The following MOV10L1 variants were observed in gnomAD, a reference collection of about 807,000 sequenced individuals.
MOV10L1 encodes Mov10 like RNA helicase 1.
Under a neutral mutation model 143.8 loss-of-function variants are expected in MOV10L1, and 110 were observed. That is an observed-to-expected ratio of 0.76 (90% CI 0.66 to 0.90). The LOEUF is 0.90. MOV10L1 is among the 40% of genes least tolerant of loss of function. MOV10L1 has a pLI of 0.00. For missense variants in MOV10L1, 1,406 were observed against 1,526.8 expected (o/e 0.92, Z 1.32); for synonymous variants, 593 against 581.1 (o/e 1.02, Z -0.29).
rs574007835 is a variant in MOV10L1, at chr22:50,152,950, A to C, written c.2893-95A>C. The C allele has an allele frequency of 5.5e-6, 7 of 1,274,574 alleles. No individual in the cohort carries two copies. Among genetic ancestry groups the C allele is most frequent in the Non-Finnish European group, 7.6e-6 (7 of 916,710 alleles). 79.0% of individuals were successfully genotyped at this position (1,274,574 alleles called of 1,614,324 possible). ...GCAGAGTCAGGCTTGGAAGTCAGGC[A>C]GGCCTCACGTTTGCTGTGCAGAGCC... On this transcript the variant is annotated intron_variant, in intron 21 of 26. Coordinates refer to ENST00000262794, the MANE Select transcript of MOV10L1 (RefSeq NM_018995.3). The surrounding 1 kb of genome is among the most constrained non-coding windows in gnomAD (Gnocchi z 4.4).
At chr22:50,121,005 G>A (rs1159976150) in intron 10 of MOV10L1, among the ~76,000 whole-genome samples, 2 of 152,236 alleles carry the variant, frequency 1.3e-5, no homozygotes, top group African/African-American at 2.4e-5. Context: ...AAGGGTCCAG[G>A]GGAGGAGAGC....
Position 50,158,299 on chromosome 22 carries a change from T to G in MOV10L1, c.3216+93T>G. 1 of 1,494,494 alleles carries G rather than the reference T, an allele frequency of 6.7e-7. No individual in the cohort carries two copies. The highest frequency in any genetic ancestry group is 9.1e-7 in the Non-Finnish European group (1 of 1,097,142). The allele number at this position is 1,494,494 out of a possible 1,614,324, so 92.6% of individuals were successfully genotyped here. A position where few individuals can be genotyped will look rare whatever the true frequency, so the allele number is the denominator to read the frequency against. On this transcript the variant is annotated intron_variant, in intron 23 of 26. Transcript: ENST00000262794. The surrounding 1 kb of genome is among the most constrained non-coding windows in gnomAD (Gnocchi z 5.0). ...TCCACAGAGGCAGGAACAAGCTCCTTGTGAGCAGCAGCAGGTTTTTAAAGG... is the reference window on the plus strand; with the variant it reads ...TCCACAGAGGCAGGAACAAGCTCCTGGTGAGCAGCAGCAGGTTTTTAAAGG...
intron 26 of MOV10L1, 27 bp from the exon 27 acceptor site, chr22:50,161,341 G>T: frequency 6.5e-7 from 1 of 1,532,918 alleles, no homozygotes; most frequent in Non-Finnish European, 8.8e-7. Flanking sequence ...CTGGCTCACT[G>T]GCCATCCGCT....
At position 50,160,826 on chromosome 22, in the gene MOV10L1, G is replaced by A. The variant is rs1385777628; in HGVS notation, c.3462+1G>A. On this transcript the variant is annotated splice_donor_variant, in intron 25 of 26. Coordinates refer to ENST00000262794, the MANE Select transcript of MOV10L1 (RefSeq NM_018995.3). LOFTEE classifies it high-confidence loss of function. ...GGGAAACCCCCATGTTCTCGTTCGA[G>A]TGAGTTTTCAGGCACTGGGTGGGCT... The A allele has an allele frequency of 1.2e-6, 2 of 1,613,894 alleles. No individual in the cohort carries two copies. Among genetic ancestry groups the A allele is most frequent in the Admixed American group, 1.7e-5 (1 of 59,982 alleles).
chr22:50,108,972 C>CT, intron 5 of MOV10L1, 128 bp downstream of exon 5: 1 of 812,384 alleles, frequency 1.2e-6, no homozygotes, highest in Non-Finnish European at 1.9e-6. Flanking sequence ...TGGTGAAACT[C>CT]TGTCTCTACT....
intron 19 of MOV10L1, chr22:50,146,847 T>G: frequency 1.9e-6 from 1 of 525,544 alleles, no homozygotes; most frequent in Non-Finnish European, 3.5e-6. Context: ...CATCATGAGA[T>G]TAGTAGAACG....
chr22:50,120,639 T>C, intron 10 of MOV10L1, 23 bp downstream of exon 10: 1 of 1,509,060 alleles, frequency 6.6e-7, no homozygotes, highest in Non-Finnish European at 9.2e-7. Context: ...TCATGGCCTG[T>C]GGGGTGTTGG....
chr22:50,135,803 T>C (rs1391434419), intron 15 of MOV10L1, among the ~76,000 whole-genome samples: 3 of 151,234 alleles, frequency 2.0e-5, no homozygotes, highest in Non-Finnish European at 4.4e-5. Context: ...AATAGTAATA[T>C]AGTGCCTATT....
intron 10 of MOV10L1, among the ~76,000 whole-genome samples, chr22:50,121,661 T>C (rs2062349838): frequency 6.6e-6 from 1 of 152,192 alleles, no homozygotes; most frequent in Non-Finnish European, 1.5e-5. Flanking sequence ...TGTAGGCAAA[T>C]GCCTGAATGG....
chr22:50,101,594 C>A (rs1407791500), intron 3 of MOV10L1, among the ~76,000 whole-genome samples: 1 of 150,298 alleles, frequency 6.7e-6, no homozygotes, highest in Non-Finnish European at 1.5e-5. Context: ...TCACTGTAAC[C>A]TCCACCTCCT....
chr22:50,143,835 T>C (rs1277666647), intron 17 of MOV10L1, among the ~76,000 whole-genome samples: 1 of 147,112 alleles, frequency 6.8e-6, no homozygotes, highest in African/African-American at 2.5e-5. Context: ...GCCAGATGTG[T>C]GCAGATGAAT....
At chr22:50,123,758 G>T (rs2147211306) in intron 10 of MOV10L1, among the ~76,000 whole-genome samples, 1 of 152,328 alleles carries the variant, frequency 6.6e-6, no homozygotes, top group Non-Finnish European at 1.5e-5. Context: ...ATGTTTGGTA[G>T]AATTTAGCTA....
At position 50,144,114 on chromosome 22, in the gene MOV10L1, G is replaced by A. The variant is rs767184868; in HGVS notation, c.2376G>A (p.Pro792=). Residue 792 remains proline (P), a synonymous_variant, in exon 18 of 27, where the codon CCG becomes CCA. Transcript: ENST00000262794. ...TGATGAAGGTACACTTTGCCTTGCC[G>A]GACAGTCGGATTTTAGTCTGTGCGC... ...EAVLQVHFAL[P]DSRILVCAPS... is the part of the protein sequence containing the mutation. 1.6e-5 allele frequency: 25 copies of A among 1,609,968 alleles called. No individual in the cohort carries two copies. Among genetic ancestry groups the A allele is most frequent in the South Asian group, 1.2e-4 (11 of 90,990 alleles).
intron 5 of MOV10L1, among the ~76,000 whole-genome samples, chr22:50,112,581 T>G (rs1381564931): frequency 1.3e-5 from 2 of 152,206 alleles, no homozygotes; most frequent in Admixed American, 1.3e-4. Flanking sequence ...CCCCACAGCA[T>G]TTCCCCACTG....
chr22:50,117,833 T>G (rs875845), intron 9 of MOV10L1, among the ~76,000 whole-genome samples: 1 of 152,186 alleles, frequency 6.6e-6, no homozygotes, highest in Non-Finnish European at 1.5e-5. Context: ...CTGGGACTTG[T>G]GGCTGGGGAA....
chr22:50,115,354 C>A lies in MOV10L1; in HGVS notation c.1259+108C>A, dbSNP rs1247139725. On this transcript the variant is annotated intron_variant, in intron 8 of 26. Coordinates refer to ENST00000262794, the MANE Select transcript of MOV10L1 (RefSeq NM_018995.3). ...TTGTGGCGGGTGGATCACCTGAGACCAGGAGTTCGAAACCAGCCTGGCCAC... is the reference window on the plus strand; with the variant it reads ...TTGTGGCGGGTGGATCACCTGAGACAAGGAGTTCGAAACCAGCCTGGCCAC... The A allele has an allele frequency of 4.7e-6, 6 of 1,289,662 alleles. No individual in the cohort carries two copies. The South Asian group carries it at 1.4e-4, about 30-fold the overall frequency. 79.9% of individuals were successfully genotyped at this position (1,289,662 alleles called of 1,614,324 possible).
At position 50,149,723 on chromosome 22, in the gene MOV10L1, C is replaced by G; in HGVS notation, c.2727+9C>G. 1 of 1,610,564 alleles carries G rather than the reference C, an allele frequency of 6.2e-7. No individual in the cohort carries two copies. The highest frequency in any genetic ancestry group is 8.5e-7 in the Non-Finnish European group (1 of 1,177,620). ...CGGACATCAGTGGCCAGGTAAGTCC[C>G]GACTACTGTGTGTGCTGCTTCCTCC... On this transcript the variant is annotated intron_variant, in intron 20 of 26. Transcript: ENST00000262794.
At chr22:50,100,596 C>G (rs145232140) in intron 3 of MOV10L1, among the ~76,000 whole-genome samples, 3,574 of 152,226 alleles carry the variant, frequency 0.023, 69 homozygotes, top group Non-Finnish European at 0.036. Flanking sequence ...TTACTGCAAC[C>G]TCCGCCTCCT....
rs2062502240 is a variant in MOV10L1 at position 50,126,254 on chromosome 22, C to T, written c.1800C>T (p.Tyr600=). 6.2e-7 allele frequency: 1 copy of T among 1,612,318 alleles called. No homozygotes were observed. Among genetic ancestry groups the T allele is most frequent in the Admixed American group, 1.7e-5 (1 of 60,006 alleles). Residue 600 remains tyrosine, a synonymous_variant, in exon 12 of 27, where the codon TAC becomes TAT. Coordinates refer to ENST00000262794, the MANE Select transcript of MOV10L1 (RefSeq NM_018995.3). ...AGTACAATGGACATGCCATCGAATA[C>T]ATCAGCTACGTGACTGAGGTGAGAG... ...TQEYNGHAIE[Y]ISYVTEIHEE... is the part of the protein sequence containing the mutation.
Sources: gnomAD v4.1 joint callset for allele counts (sites outside exome capture counted in the v4.1 genomes callset) on GRCh38, gnomAD v4.1.1 for gene constraint, Gnocchi (gnomAD v3.1) non-coding constraint, MANE v1.5 for transcripts, NCBI Gene and HGNC (gene_info 2026-07-23, HGNC 2026-07-21) for gene names.